The following LTBP1 variants were observed in gnomAD, a reference collection of about 807,000 sequenced individuals.
The protein encoded by LTBP1 is latent-transforming growth factor beta-binding protein 1.
In LTBP1, 129 loss-of-function variants were observed where a neutral mutation model predicts 207.6. The observed-to-expected ratio is 0.62, with a 90% CI of 0.54 to 0.72. The LOEUF is 0.72. LTBP1 is among the 30% of genes least tolerant of loss of function. The pLI is 0.00. For missense variants in LTBP1, 2,281 were observed against 2,217.2 expected, an observed-to-expected ratio of 1.03 and a Z score of -0.58; for synonymous variants, 963 against 833.7, an observed-to-expected ratio of 1.16 and a Z score of -2.67.
rs1456937105 is a variant in LTBP1, at chr2:33,288,810, G to A, written c.3113-4350G>A. ...GCAGAAGTTGCAGTGAGCCGAGATC[G>A]CACCACTGCACTCCAGCCTGGGTGA... On this transcript the variant is annotated intron_variant, in intron 19 of 33. Coordinates refer to ENST00000404816, the MANE Select transcript of LTBP1 (RefSeq NM_206943.4). Among the ~76,000 whole-genome samples the A allele has an allele frequency of 5.4e-5, 8 of 148,364 alleles. No homozygotes were observed. The East Asian group carries it at 5.9e-4, about 11-fold the overall frequency.
intron 3 of LTBP1, among the ~76,000 whole-genome samples, chr2:33,059,113 G>A (rs1410700489): frequency 6.6e-6 from 1 of 152,138 alleles, no homozygotes. Flanking sequence ...GCAGCACTAG[G>A]CAATGCAACA....
chr2:33,093,507 A>G (rs1321868885), intron 3 of LTBP1, among the ~76,000 whole-genome samples: 1 of 152,132 alleles, frequency 6.6e-6, no homozygotes, highest in Non-Finnish European at 1.5e-5. Flanking sequence ...CGCCTGCTCA[A>G]AACATTTTTA....
chr2:33,206,649 G>A (rs2089903708), intron 7 of LTBP1, among the ~76,000 whole-genome samples: 1 of 151,382 alleles, frequency 6.6e-6, no homozygotes, highest in African/African-American at 2.4e-5. Flanking sequence ...TGAGGCAGGA[G>A]AATGGCGTGA....
intron 5 of LTBP1, among the ~76,000 whole-genome samples, chr2:33,170,322 G>A (rs1019173007): frequency 6.6e-6 from 1 of 152,110 alleles, no homozygotes; most frequent in African/African-American, 2.4e-5. Context: ...TTTTCCGACG[G>A]GCTTAAAAAA....
intron 2 of LTBP1, among the ~76,000 whole-genome samples, chr2:33,016,862 A>C (rs1472183273): frequency 6.6e-6 from 1 of 152,120 alleles, no homozygotes; most frequent in African/African-American, 2.4e-5. Flanking sequence ...ATCTCTACTA[A>C]AAATACAAAA....
At chr2:33,343,135 C>T (rs2094651389) in intron 25 of LTBP1, among the ~76,000 whole-genome samples, 172 bp downstream of exon 25, 2 of 152,112 alleles carry the variant, frequency 1.3e-5, no homozygotes, top group Admixed American at 6.5e-5. Context: ...GGGTGCATGG[C>T]TCACGGTTGT....
intron 5 of LTBP1, among the ~76,000 whole-genome samples, chr2:33,139,332 C>T (rs956085927): frequency 3.9e-5 from 6 of 152,122 alleles, no homozygotes; most frequent in African/African-American, 1.4e-4. Context: ...CATGTTGCCT[C>T]CTATGACCAT....
At chr2:33,394,901 C>A (rs2095345257) in intron 32 of LTBP1, among the ~76,000 whole-genome samples, 1 of 152,148 alleles carries the variant, frequency 6.6e-6, no homozygotes, top group Admixed American at 6.5e-5. Flanking sequence ...CTGCCACTTA[C>A]AAGTGAGAAC....
intron 22 of LTBP1, among the ~76,000 whole-genome samples, chr2:33,306,615 A>G (rs1006450997): frequency 6.6e-6 from 1 of 152,124 alleles, no homozygotes; most frequent in Non-Finnish European, 1.5e-5. Context: ...ACATGCTTCC[A>G]TTATGCTGAG....
chr2:33,281,122 G>T lies in LTBP1; in HGVS notation c.3112+964G>T, dbSNP rs1025085705. ...CTGTATATCCCCAGAGTTGTACTAA[G>T]TTCTGGGATATATTGAGAGGAAAAA... On this transcript the variant is annotated intron_variant, in intron 19 of 33. Transcript: ENST00000404816. Among the ~76,000 whole-genome samples, 6 of 152,248 alleles carry T rather than the reference G, an allele frequency of 3.9e-5. No individual in the cohort carries two copies. The South Asian group carries it at 8.3e-4, about 21-fold the overall frequency.
At chr2:33,121,159 CTTTTTTTTTTTTTT>C (rs61065486) in intron 4 of LTBP1, among the ~76,000 whole-genome samples, 1 of 87,536 alleles carries the variant, frequency 1.1e-5, no homozygotes. Context: ...TTTGTAAAGT[CTTTTTTTTTTTTTT>C]TTTTTTTTTT....
At chr2:33,180,141 T>C (rs1172784957) in intron 5 of LTBP1, among the ~76,000 whole-genome samples, 1 of 152,234 alleles carries the variant, frequency 6.6e-6, no homozygotes, top group Non-Finnish European at 1.5e-5. Flanking sequence ...TTGGACAGGT[T>C]GTTCTGGATC....
At chr2:32,998,534 AAAAAAAAAAAAAG>A (rs1319539799) in intron 2 of LTBP1, among the ~76,000 whole-genome samples, 8 of 149,438 alleles carry the variant, frequency 5.4e-5, no homozygotes, top group Non-Finnish European at 7.4e-5. Context: ...AAAAAAAAAA[AAAAAAAAAAAAAG>A]GTTGTTATGA....
chr2:33,275,716 T>C, intron 17 of LTBP1, 85 bp from the exon 18 acceptor site: 1 of 1,526,622 alleles, frequency 6.6e-7, no homozygotes, highest in Non-Finnish European at 9.0e-7. Context: ...ACTTCGTTAT[T>C]ATATTTGAGC....
chr2:32,947,401 G>A lies in LTBP1; in HGVS notation c.77G>A (p.Arg26Gln). ...LLASSAHGRL[R>Q]RITYVVHPGP... is the part of the protein sequence containing the mutation. Reference sequence around the variant, plus strand: ...GCGTCCTCGGCGCACGGCCGGCTGCGGAGGATCACCTACGTGGTGCACCCG... The same window carrying A: ...GCGTCCTCGGCGCACGGCCGGCTGCAGAGGATCACCTACGTGGTGCACCCG... The change falls in exon 1 of 34, where the codon CGG becomes CAG. Residue 26 changes from arginine (R) to glutamine (Q), a missense_variant. Arg to Gln is a conservative substitution (Grantham distance 43). Around this residue, in one of 3 missense-constraint regions of LTBP1, gnomAD observed 555 missense variants for 491.0 expected, o/e 1.13. Coordinates refer to ENST00000404816, the MANE Select transcript of LTBP1 (RefSeq NM_206943.4). The A allele has an allele frequency of 1.4e-6, 2 of 1,414,406 alleles. No individual in the cohort carries two copies. Among genetic ancestry groups the A allele is most frequent in the South Asian group, 2.9e-5 (2 of 69,998 alleles). The allele number at this position is 1,414,406 out of a possible 1,614,324, so 87.6% of individuals were successfully genotyped here.
At chr2:33,304,122 A>G (rs1301228989) in intron 22 of LTBP1, among the ~76,000 whole-genome samples, 1 of 152,226 alleles carries the variant, frequency 6.6e-6, no homozygotes, top group Non-Finnish European at 1.5e-5. Flanking sequence ...CTTCATTATT[A>G]ATGTATATAA....
At chr2:33,342,715 A>G in intron 24 of LTBP1, 123 bp from the exon 25 acceptor site, 1 of 846,722 alleles carries the variant, frequency 1.2e-6, no homozygotes, top group Non-Finnish European at 1.7e-6. Flanking sequence ...TTCTGTGTAA[A>G]CATGTTCATC....
At chr2:33,025,239 G>A (rs918270342) in intron 3 of LTBP1, among the ~76,000 whole-genome samples, 2 of 152,186 alleles carry the variant, frequency 1.3e-5, no homozygotes, top group African/African-American at 4.8e-5. Context: ...GGGGGTAGAA[G>A]TATGCTGCAC....
At chr2:33,098,944 A>G (rs867822405) in intron 3 of LTBP1, among the ~76,000 whole-genome samples, 2 of 152,142 alleles carry the variant, frequency 1.3e-5, no homozygotes, top group Non-Finnish European at 2.9e-5. Context: ...TACATACCCA[A>G]CTGAAGTTTG....
Sources: allele counts gnomAD v4.1 joint callset (sites outside exome capture counted in the v4.1 genomes callset), GRCh38; gene constraint gnomAD v4.1.1; regional missense constraint gnomAD v4.1.1; transcripts MANE v1.5; gene names NCBI Gene and HGNC (gene_info 2026-07-23, HGNC 2026-07-21).